The following TRPM7 variants were observed in gnomAD, a reference collection of about 807,000 sequenced individuals.
TRPM7 encodes the protein LTRPC ion channel family member 7.
TRPM7 carries 134 observed loss-of-function variants against 229.7 expected under a neutral mutation model. That is an observed-to-expected ratio of 0.58 (90% CI 0.51 to 0.67). The LOEUF (loss-of-function observed/expected upper bound fraction) is 0.67, where lower values mean the gene tolerates loss of function less well. TRPM7 is among the 30% of genes least tolerant of loss of function. The pLI, the probability that TRPM7 is intolerant of heterozygous loss-of-function variation, is 0.00. For synonymous variants in TRPM7, 699 were observed against 715.2 expected, an observed-to-expected ratio of 0.98 and a Z score of 0.36; for missense variants, 1,901 against 2,210.0, an observed-to-expected ratio of 0.86 and a Z score of 2.80.
chr15:50,686,432 C>G lies in TRPM7; in HGVS notation c.3+99G>C. The G allele has an allele frequency of 4.4e-6, 7 of 1,598,888 alleles. No individual in the cohort carries two copies. The South Asian group carries it at 7.7e-5, about 18-fold the overall frequency. ...AAGGCAATTCGAGGGTCCTTCGCCG[C>G]ATGGAACGCGGCTCCCCACACACTT... On this transcript the variant is annotated intron_variant, in intron 1 of 38. Transcript: ENST00000646667.
intron 26 of TRPM7, 47 bp downstream of exon 26, chr15:50,591,864 G>A (rs772592669): frequency 1.5e-5 from 20 of 1,293,076 alleles, no homozygotes; most frequent in Non-Finnish European, 2.1e-5. Flanking sequence ...TTTCTAAGGT[G>A]AAAAGTAAAT....
At chr15:50,660,923 T>C (rs1470156102) in intron 2 of TRPM7, among the ~76,000 whole-genome samples, 1 of 151,818 alleles carries the variant, frequency 6.6e-6, no homozygotes, top group Non-Finnish European at 1.5e-5. Context: ...TGACCAATAG[T>C]AGAACAGGTA....
chr15:50,669,276 A>T (rs1185950726), intron 1 of TRPM7, among the ~76,000 whole-genome samples: 2 of 152,088 alleles, frequency 1.3e-5, no homozygotes, highest in South Asian at 2.1e-4. Flanking sequence ...TCTACTAAAA[A>T]TACAAAAAAT....
In TRPM7 at chr15:50,599,273, T is replaced by A; in HGVS notation, c.3012A>T (p.Val1004=). ...TAAGTAATACAAGAGCCATAATCAC[T>A]ACAATGTAGAACATATTGGCCACCT... ...GKMVANMFYI[V]VIMALVLLSF... is the part of the protein sequence containing the mutation. The change falls in exon 22 of 39, where the codon GTA becomes GTT. Residue 1004 remains valine, a synonymous_variant. Coordinates refer to ENST00000646667, the MANE Select transcript of TRPM7 (RefSeq NM_017672.6). The A allele has an allele frequency of 6.2e-7, 1 of 1,611,574 alleles. No individual in the cohort carries two copies. The highest frequency in any genetic ancestry group is 8.5e-7 in the Non-Finnish European group (1 of 1,178,896).
intron 38 of TRPM7, 97 bp downstream of exon 38, chr15:50,569,790 C>G: frequency 1.6e-6 from 1 of 637,898 alleles, no homozygotes; most frequent in Non-Finnish European, 2.6e-6. Context: ...AATTAGAGAC[C>G]ATTACATTAA....
At chr15:50,637,637 C>T (rs2060947687) in intron 6 of TRPM7, 44 bp from the exon 7 acceptor site, 3 of 1,510,878 alleles carry the variant, frequency 2.0e-6, no homozygotes, top group African/African-American at 2.8e-5. Context: ...GGATTAAATA[C>T]AGTATGATGT....
At chr15:50,643,765 G>GA (rs1303541873) in intron 4 of TRPM7, among the ~76,000 whole-genome samples, 7 of 152,168 alleles carry the variant, frequency 4.6e-5, no homozygotes, top group Non-Finnish European at 7.4e-5. Context: ...CAGAAATAGC[G>GA]AAACTAACTT....
At chr15:50,624,910 T>G (rs1171137024) in intron 11 of TRPM7, among the ~76,000 whole-genome samples, 1 of 152,232 alleles carries the variant, frequency 6.6e-6, no homozygotes, top group East Asian at 1.9e-4. Context: ...AAGATTGTAC[T>G]TAGTCTTCAG....
rs1374103984 is a variant in TRPM7, at chr15:50,639,508, A to C, written c.576T>G (p.Ala192=). The C allele has an allele frequency of 6.2e-7, 1 of 1,611,824 alleles. No individual in the cohort carries two copies. The highest frequency in any genetic ancestry group is 8.5e-7 in the Non-Finnish European group (1 of 1,178,450). ...KHVGDALKEH[A]SRSSRKICTI... ...TGCAAATCTTTCGAGATGATCTGGA[A>C]GCATGTTCTTTGAGGGCATCTCCAA... Residue 192 remains alanine (A), a synonymous_variant, in exon 6 of 39, where the codon GCT becomes GCG. Coordinates refer to ENST00000646667, the MANE Select transcript of TRPM7 (RefSeq NM_017672.6).
chr15:50,633,901 T>A (rs1342491502), intron 8 of TRPM7, among the ~76,000 whole-genome samples: 1 of 152,246 alleles, frequency 6.6e-6, no homozygotes, highest in Non-Finnish European at 1.5e-5. Context: ...TCCAATAACA[T>A]ATGAGTCAGG....
chr15:50,643,287 C>T lies in TRPM7; in HGVS notation c.535+53G>A. On this transcript the variant is annotated intron_variant, in intron 5 of 38. Coordinates refer to ENST00000646667, the MANE Select transcript of TRPM7 (RefSeq NM_017672.6). The stretch of plus-strand genomic sequence containing the variant: ...CTGGCAACAGAGTGAGAGTCCGTCT[C>T]AAAAAAAAAAATTAAAACACACTAA... 3.2e-6 allele frequency: 4 copies of T among 1,258,902 alleles called. No homozygotes were observed. In the Admixed American group the frequency reaches 6.0e-5, roughly 19 times the overall value. The allele number at this position is 1,258,902 out of a possible 1,614,324, so 78.0% of individuals were successfully genotyped here. A position where few individuals can be genotyped will look rare whatever the true frequency, so the allele number is the denominator to read the frequency against.
chr15:50,574,341 G>A lies in TRPM7; in HGVS notation c.5241C>T (p.Ile1747=). The part of the protein sequence containing the change: ...EIIPTNTLEE[I]MLAFSHWTYE... ...AAGTCCAGTGGCTAAAGGCTAGCAT[G>A]ATCTCTTCCAGAGTATTAGTTGGAA... The change falls in exon 36 of 39, where the codon ATC becomes ATT. Residue 1747 remains isoleucine (I), a synonymous_variant. Coordinates refer to ENST00000646667, the MANE Select transcript of TRPM7 (RefSeq NM_017672.6). 2.5e-6 allele frequency: 4 copies of A among 1,613,936 alleles called. No individual in the cohort carries two copies. The highest frequency in any genetic ancestry group is 3.4e-6 in the Non-Finnish European group (4 of 1,179,922).
chr15:50,640,302 C>T (rs1380446820), intron 5 of TRPM7, among the ~76,000 whole-genome samples: 1 of 152,012 alleles, frequency 6.6e-6, no homozygotes, highest in African/African-American at 2.4e-5. Context: ...GTCAGGGTCT[C>T]ACTCTATTGC....
intron 1 of TRPM7, among the ~76,000 whole-genome samples, chr15:50,667,129 A>T (rs574908982): frequency 6.6e-6 from 1 of 151,972 alleles, no homozygotes; most frequent in Non-Finnish European, 1.5e-5. Context: ...TGATTGGCCG[A>T]CTCTGGGGGT....
intron 10 of TRPM7, among the ~76,000 whole-genome samples, chr15:50,629,722 TA>T (rs1441089136): frequency 1.3e-5 from 2 of 152,036 alleles, no homozygotes. Context: ...TCCTCATCTA[TA>T]AAATGAGTAA....
chr15:50,609,091 G>A (rs1303200581), intron 19 of TRPM7, among the ~76,000 whole-genome samples: 2 of 152,066 alleles, frequency 1.3e-5, no homozygotes, highest in African/African-American at 2.4e-5. Flanking sequence ...TTATATGGAA[G>A]GTAATCAAGC....
intron 13 of TRPM7, among the ~76,000 whole-genome samples, chr15:50,617,504 C>CA (rs57521351): frequency 0.12 from 18,169 of 145,548 alleles, 1,425 homozygotes; most frequent in East Asian, 0.31. Flanking sequence ...AACTTCATTT[C>CA]AAAAAAAAAA....
At chr15:50,672,487 G>A (rs899428513) in intron 1 of TRPM7, among the ~76,000 whole-genome samples, 2 of 152,000 alleles carry the variant, frequency 1.3e-5, no homozygotes, top group Non-Finnish European at 2.9e-5. Flanking sequence ...CCTTCCATGA[G>A]GCAAGATGAG....
intron 1 of TRPM7, among the ~76,000 whole-genome samples, chr15:50,680,365 A>C (rs1406087036): frequency 6.6e-6 from 1 of 152,132 alleles, no homozygotes. Flanking sequence ...ACATGCCAAA[A>C]CTCTGTCTCC....
Sources: gnomAD v4.1 joint callset for allele counts (sites outside exome capture counted in the v4.1 genomes callset) on GRCh38, gnomAD v4.1.1 for gene constraint, MANE v1.5 for transcripts, NCBI Gene and HGNC (gene_info 2026-07-23, HGNC 2026-07-21) for gene names.